TENM2: variants seen among roughly 807,000 people sequenced by gnomAD.
TENM2 encodes the protein teneurin transmembrane protein 2.
TENM2 carries 52 observed loss-of-function variants against 245.2 expected under a neutral mutation model. That is an observed-to-expected ratio of 0.21 (90% confidence interval 0.17 to 0.27). The LOEUF is 0.27. Ranked by LOEUF, TENM2 falls within the 10% of genes least tolerant of loss-of-function variation. The pLI is 1.00. For missense variants in TENM2, 3,046 were observed against 3,666.8 expected, an observed-to-expected ratio of 0.83 and a Z score of 4.37; for synonymous variants, 1,363 against 1,438.9, an observed-to-expected ratio of 0.95 and a Z score of 1.19.
At chr5:167,132,431 G>A in the TENM2 span, among the ~76,000 whole-genome samples, 56 of 152,276 alleles carry the variant, frequency 3.7e-4, no homozygotes, top group African/African-American at 1.3e-3. Flanking sequence ...GAGAGAGAGA[G>A]TGAGATGGGG....
chr5:168,050,903 G>A (rs1000602188), intron 6 of TENM2, among the ~76,000 whole-genome samples: 2 of 152,190 alleles, frequency 1.3e-5, no homozygotes, highest in African/African-American at 4.8e-5. Context: ...TTCACATCAA[G>A]AAGAGGGAAC....
chr5:167,852,277 T>C (rs916630817), intron 2 of TENM2, among the ~76,000 whole-genome samples: 7 of 152,380 alleles, frequency 4.6e-5, no homozygotes, highest in Non-Finnish European at 8.8e-5. Context: ...TTATTGTTTT[T>C]CAGCTATGAA....
chr5:167,621,927 C>T (rs931012450), intron 2 of TENM2, among the ~76,000 whole-genome samples: 4 of 152,126 alleles, frequency 2.6e-5, no homozygotes, highest in African/African-American at 9.7e-5. Context: ...GACTTGGCCT[C>T]ATTTTTACTT....
At chr5:167,653,353 T>C (rs1754605587) in intron 2 of TENM2, 1 of 152,128 alleles carries the variant, frequency 6.6e-6, no homozygotes, top group Non-Finnish European at 1.5e-5. Flanking sequence ...GTCCCGGGCT[T>C]AAGACAATCC....
chr5:167,682,145 C>T (rs1044110232), intron 2 of TENM2, among the ~76,000 whole-genome samples: 5 of 139,588 alleles, frequency 3.6e-5, no homozygotes, highest in Admixed American at 1.5e-4. Flanking sequence ...TGCCTGCCTG[C>T]GTTCCTTCCT....
intron 2 of TENM2, among the ~76,000 whole-genome samples, chr5:167,669,862 G>GTT (rs5873056): frequency 0.059 from 8,811 of 148,182 alleles, 815 homozygotes; most frequent in African/African-American, 0.2. Flanking sequence ...CACTTTTGAG[G>GTT]TTTTTTTTTT....
chr5:167,935,435 C>G (rs1175645421), intron 3 of TENM2, among the ~76,000 whole-genome samples: 1 of 152,162 alleles, frequency 6.6e-6, no homozygotes, highest in East Asian at 1.9e-4. Context: ...TTAATTACAC[C>G]ACACCTGTTT....
chr5:168,260,483 G>T, intron 28 of TENM2, 70 bp downstream of exon 30: 1 of 1,571,248 alleles, frequency 6.4e-7, no homozygotes, highest in African/African-American at 1.3e-5. Flanking sequence ...AACCTCATGG[G>T]AGCCAGGGGC....
At chr5:167,563,369 C>T (rs1200119863) in intron 2 of TENM2, among the ~76,000 whole-genome samples, 1 of 152,136 alleles carries the variant, frequency 6.6e-6, no homozygotes, top group African/African-American at 2.4e-5. Context: ...GATTGTGGTT[C>T]TCACCACCTG....
chr5:167,962,456 T>C (rs893941610), intron 4 of TENM2, among the ~76,000 whole-genome samples: 1 of 152,220 alleles, frequency 6.6e-6, no homozygotes, highest in Non-Finnish European at 1.5e-5. Flanking sequence ...GCACATAGAA[T>C]ATGCATCTAG....
At chr5:167,730,167 T>C (rs1272602112) in intron 2 of TENM2, among the ~76,000 whole-genome samples, 1 of 152,190 alleles carries the variant, frequency 6.6e-6, no homozygotes, top group Admixed American at 6.5e-5. Context: ...AGTGCCGTTG[T>C]TCTCATTGGA....
At chr5:168,226,124 C>T in exon 24 of TENM2, 10 of 1,613,698 alleles carry the variant, frequency 6.2e-6, no homozygotes, top group Middle Eastern at 1.7e-4. Context: ...ACGTGACGCG[C>T]CCCACGGGGG....
chr5:167,549,626 C>T (rs1437796952), intron 2 of TENM2, among the ~76,000 whole-genome samples: 1 of 151,900 alleles, frequency 6.6e-6, no homozygotes, highest in African/African-American at 2.4e-5. Flanking sequence ...AACAACATCT[C>T]AATAATGGCA....
intron 3 of TENM2, among the ~76,000 whole-genome samples, chr5:167,888,737 C>T (rs1774499107): frequency 6.6e-6 from 1 of 152,220 alleles, no homozygotes; most frequent in South Asian, 2.1e-4. Flanking sequence ...TCCCCCAGGG[C>T]CAATACCAGC....
At chr5:167,751,808 T>C (rs1426988180) in intron 2 of TENM2, among the ~76,000 whole-genome samples, 2 of 152,096 alleles carry the variant, frequency 1.3e-5, no homozygotes, top group South Asian at 4.1e-4. Context: ...AAAGCAGGTT[T>C]TATGGTTATA....
chr5:168,234,156 TG>T (rs939969896), intron 25 of TENM2, among the ~76,000 whole-genome samples: 1 of 151,434 alleles, frequency 6.6e-6, no homozygotes, highest in Non-Finnish European at 1.5e-5. Flanking sequence ...ATTGCGGGGG[TG>T]GGGGGTGGTC....
chr5:167,965,897 G>A (rs1238162567), intron 4 of TENM2, among the ~76,000 whole-genome samples: 1 of 152,108 alleles, frequency 6.6e-6, no homozygotes, highest in Non-Finnish European at 1.5e-5. Context: ...ATAATGCCTG[G>A]GGAACTAGGA....
At chr5:167,322,129 G>A (rs1464498393) in intron 1 of TENM2, among the ~76,000 whole-genome samples, 1 of 151,928 alleles carries the variant, frequency 6.6e-6, no homozygotes, top group Non-Finnish European at 1.5e-5. Flanking sequence ...ACCGCACCCG[G>A]CTGCTGCATT....
At chr5:167,915,328 G>T (rs1477539090) in intron 3 of TENM2, among the ~76,000 whole-genome samples, 1 of 152,152 alleles carries the variant, frequency 6.6e-6, no homozygotes, top group East Asian at 1.9e-4. Flanking sequence ...TGGAAAGACA[G>T]GAAAACAGGA....
Sources: allele counts gnomAD v4.1 joint callset (sites outside exome capture counted in the v4.1 genomes callset), GRCh38; gene constraint gnomAD v4.1.1; transcripts MANE v1.5; gene names NCBI Gene and HGNC (gene_info 2026-07-23, HGNC 2026-07-21).